PCDH9: variants seen among roughly 807,000 people sequenced by gnomAD.
PCDH9 encodes protocadherin 9, also known as protocadherin-9.
A neutral mutation model predicts 70.6 loss-of-function variants in PCDH9; 24 were observed. The ratio of observed to expected loss-of-function variants is 0.34; its 90% CI spans 0.25 to 0.48. PCDH9 has a LOEUF of 0.48. Among genes scored for constraint, PCDH9 ranks in the 20% least tolerant of loss-of-function variants. The probability of loss-of-function intolerance (pLI) is 0.99; values close to 1 mark genes in which losing one functional copy is unlikely to be tolerated. For missense variants in PCDH9, 1,281 were observed against 1,503.6 expected (o/e 0.85, Z 2.45); for synonymous variants, 562 against 558.5 (o/e 1.01, Z -0.09).
intron 4 of PCDH9, among the ~76,000 whole-genome samples, chr13:66,562,050 A>T (rs1003747388): frequency 6.6e-5 from 10 of 152,120 alleles, no homozygotes; most frequent in African/African-American, 1.9e-4. Context: ...GAACACATCC[A>T]AACATCAGAA....
At chr13:66,339,162 T>C (rs1956085550) in intron 4 of PCDH9, among the ~76,000 whole-genome samples, 2 of 152,134 alleles carry the variant, frequency 1.3e-5, no homozygotes, top group Non-Finnish European at 2.9e-5. Flanking sequence ...TTGTAGCTTT[T>C]ATGATCACAG....
chr13:66,940,723 A>G (rs528484775), intron 2 of PCDH9, among the ~76,000 whole-genome samples: 217 of 152,084 alleles, frequency 1.4e-3, no homozygotes, highest in African/African-American at 5.1e-3. Flanking sequence ...TAAAAATTCC[A>G]AAGTACATTA....
At chr13:66,638,894 T>C (rs1458608847) in intron 3 of PCDH9, among the ~76,000 whole-genome samples, 1 of 152,190 alleles carries the variant, frequency 6.6e-6, no homozygotes, top group African/African-American at 2.4e-5. Flanking sequence ...TTCCACTAGC[T>C]GTCAGCCTTT....
At chr13:66,391,345 A>T (rs538768672) in intron 4 of PCDH9, among the ~76,000 whole-genome samples, 3 of 152,292 alleles carry the variant, frequency 2.0e-5, no homozygotes, top group Admixed American at 6.5e-5. Flanking sequence ...GAATGTTCCT[A>T]ATGAAAGTTG....
intron 2 of PCDH9, among the ~76,000 whole-genome samples, chr13:66,909,335 T>C (rs1360644735): frequency 6.6e-6 from 1 of 152,000 alleles, no homozygotes; most frequent in Non-Finnish European, 1.5e-5. Context: ...GTTCATAGAT[T>C]GGAAGGATTA....
chr13:67,121,354 G>C (rs571314187), intron 2 of PCDH9, among the ~76,000 whole-genome samples: 2 of 152,294 alleles, frequency 1.3e-5, no homozygotes, highest in East Asian at 3.9e-4. Flanking sequence ...TTTAAAATGT[G>C]TTGAACCTGC....
chr13:66,454,236 C>G (rs1193438860), intron 4 of PCDH9, among the ~76,000 whole-genome samples: 1 of 151,948 alleles, frequency 6.6e-6, no homozygotes, highest in African/African-American at 2.4e-5. Context: ...TATTTTACAG[C>G]TACATAACAT....
intron 3 of PCDH9, among the ~76,000 whole-genome samples, chr13:66,849,144 T>C (rs2081266387): frequency 6.6e-6 from 1 of 152,002 alleles, no homozygotes; most frequent in South Asian, 2.1e-4. Flanking sequence ...TATTGCTTAA[T>C]TTTTCTTCCA....
chr13:66,562,856 A>G (rs546725346), intron 4 of PCDH9, among the ~76,000 whole-genome samples: 2 of 152,164 alleles, frequency 1.3e-5, no homozygotes, highest in South Asian at 2.1e-4. Context: ...AAACGAAACT[A>G]GCAGTTTATG....
chr13:67,080,923 CTTG>C (rs946321744), intron 2 of PCDH9, among the ~76,000 whole-genome samples: 1 of 152,090 alleles, frequency 6.6e-6, no homozygotes, highest in African/African-American at 2.4e-5. Flanking sequence ...TTTGAGTGAA[CTTG>C]TTGTCAAACC....
chr13:66,803,833 G>C (rs542372416), intron 3 of PCDH9, among the ~76,000 whole-genome samples: 2 of 152,166 alleles, frequency 1.3e-5, no homozygotes, highest in South Asian at 2.1e-4. Flanking sequence ...AAAATGTGTA[G>C]CATAACTATG....
At chr13:66,833,272 T>A (rs2080959698) in intron 3 of PCDH9, among the ~76,000 whole-genome samples, 1 of 152,206 alleles carries the variant, frequency 6.6e-6, no homozygotes, top group African/African-American at 2.4e-5. Flanking sequence ...AAAACGGGAC[T>A]GAATCTCTTC....
chr13:67,184,314 T>C (rs887164391), intron 2 of PCDH9, among the ~76,000 whole-genome samples: 1 of 152,136 alleles, frequency 6.6e-6, no homozygotes, highest in Non-Finnish European at 1.5e-5. Context: ...AGGAGGTAAG[T>C]TCCTTTTCAT....
intron 3 of PCDH9, among the ~76,000 whole-genome samples, chr13:66,875,986 G>C (rs1223817575): frequency 1.3e-5 from 2 of 152,060 alleles, no homozygotes; most frequent in African/African-American, 4.8e-5. Flanking sequence ...GTTGAGTTTG[G>C]ACTTTAAATT....
chr13:67,016,758 G>C (rs1487318822), intron 2 of PCDH9, among the ~76,000 whole-genome samples: 1 of 152,088 alleles, frequency 6.6e-6, no homozygotes, highest in Non-Finnish European at 1.5e-5. Flanking sequence ...TAATATTTTA[G>C]CAATAGTCTT....
intron 4 of PCDH9, among the ~76,000 whole-genome samples, chr13:66,540,697 C>G (rs192594627): frequency 2.6e-5 from 4 of 152,126 alleles, no homozygotes; most frequent in East Asian, 1.9e-4. Context: ...TGGTTGACCC[C>G]CTTTGGGCAG....
At chr13:66,431,909 C>G (rs1957776261) in intron 4 of PCDH9, among the ~76,000 whole-genome samples, 1 of 151,880 alleles carries the variant, frequency 6.6e-6, no homozygotes, top group African/African-American at 2.4e-5. Flanking sequence ...AATGACAAGA[C>G]AATATAGTCA....
intron 2 of PCDH9, among the ~76,000 whole-genome samples, chr13:66,977,123 T>C (rs1189788545): frequency 6.6e-5 from 10 of 152,152 alleles, no homozygotes; most frequent in Non-Finnish European, 1.0e-4. Flanking sequence ...ATTATCTTTA[T>C]ACTTCTCCCT....
At chr13:66,918,179 T>A (rs1330824215) in intron 2 of PCDH9, among the ~76,000 whole-genome samples, 1 of 151,084 alleles carries the variant, frequency 6.6e-6, no homozygotes, top group Admixed American at 6.6e-5. Context: ...AGTAAACAGA[T>A]GTTTTGAGTA....
Sources: gnomAD v4.1 joint callset for allele counts (sites outside exome capture counted in the v4.1 genomes callset) on GRCh38, gnomAD v4.1.1 for gene constraint, MANE v1.5 for transcripts, NCBI Gene and HGNC (gene_info 2026-07-23, HGNC 2026-07-21) for gene names.